CENPK: variants seen among roughly 807,000 people sequenced by gnomAD.
CENPK encodes the protein SoxLZ/Sox6-binding protein Solt.
A neutral mutation model predicts 40.9 loss-of-function variants in CENPK; 46 were observed. The observed-to-expected ratio is 1.13, with a 90% confidence interval of 0.89 to 1.44. The LOEUF is 1.44. Ranked by LOEUF, CENPK falls within the 40% of genes most tolerant of loss-of-function variation. The pLI is 0.00. For synonymous variants in CENPK, 107 were observed against 104.4 expected, an observed-to-expected ratio of 1.02 and a Z score of -0.15; for missense variants, 288 against 303.5, an observed-to-expected ratio of 0.95 and a Z score of 0.38.
intron 6 of CENPK, among the ~76,000 whole-genome samples, chr5:65,539,966 G>A (rs1225463741): frequency 6.6e-6 from 1 of 152,250 alleles, no homozygotes; most frequent in South Asian, 2.1e-4. Flanking sequence ...AGGCAGTATG[G>A]CCCAAGGTCC....
chr5:65,514,228 A>ATATTTTTTTTT (rs199873665), downstream of CENPK, among the ~76,000 whole-genome samples: 1 of 61,646 alleles, frequency 1.6e-5, no homozygotes. Context: ...GCCTCACATA[A>ATATTTTTTTTT]TCTTTTTTTT....
chr5:65,513,337 G>A (rs1742646301), downstream of CENPK, among the ~76,000 whole-genome samples: 1 of 152,148 alleles, frequency 6.6e-6, no homozygotes, highest in South Asian at 2.1e-4. Flanking sequence ...ATATCCACAA[G>A]TACCTTGCTG....
chr5:65,528,595 A>C lies in CENPK; in HGVS notation c.471-17T>G, dbSNP rs745986169. 6.7e-7 allele frequency: 1 copy of C among 1,502,296 alleles called. No individual in the cohort carries two copies. Among genetic ancestry groups the C allele is most frequent in the East Asian group, 2.5e-5 (1 of 40,644 alleles). The allele number at this position is 1,502,296 out of a possible 1,614,324, so 93.1% of individuals were successfully genotyped here. ...TTAAAGATTCTAATAGATTAAAAAA[A>C]TTAAGAGAAACATTTAACTGATAAA... On this transcript the variant is annotated splice_polypyrimidine_tract_variant and intron_variant, in intron 8 of 10. Transcript: ENST00000396679.
intron 2 of CENPK, among the ~76,000 whole-genome samples, chr5:65,556,300 C>G (rs1008768766): frequency 1.3e-5 from 2 of 152,036 alleles, no homozygotes; most frequent in African/African-American, 4.8e-5. Flanking sequence ...AGTAAGACCC[C>G]TATCTCTATA....
intron 6 of CENPK, among the ~76,000 whole-genome samples, chr5:65,532,005 T>C (rs1000045914): frequency 2.6e-5 from 4 of 152,040 alleles, no homozygotes; most frequent in Admixed American, 2.6e-4. Context: ...TCAATAAAAT[T>C]AGATTAATTA....
At chr5:65,514,228 A>ATATTTTTTTTTTTTTTTT (rs199873665), downstream of CENPK, among the ~76,000 whole-genome samples, 3 of 61,648 alleles carry the variant, frequency 4.9e-5, no homozygotes, top group African/African-American at 6.7e-5. Context: ...GCCTCACATA[A>ATATTTTTTTTTTTTTTTT]TCTTTTTTTT....
intron 3 of CENPK, among the ~76,000 whole-genome samples, chr5:65,553,050 T>C (rs1335990989): frequency 6.6e-6 from 1 of 152,114 alleles, no homozygotes; most frequent in African/African-American, 2.4e-5. Flanking sequence ...TCTATACAAA[T>C]TTTAAGTCAT....
intron 2 of CENPK, among the ~76,000 whole-genome samples, chr5:65,556,869 T>C (rs547486291): frequency 6.6e-6 from 1 of 152,340 alleles, no homozygotes; most frequent in East Asian, 1.9e-4. Context: ...AATACAAAAA[T>C]ACCATTCTGT....
chr5:65,546,760 AT>A (rs1434508603), intron 5 of CENPK, among the ~76,000 whole-genome samples: 2 of 152,368 alleles, frequency 1.3e-5, no homozygotes, highest in African/African-American at 4.8e-5. Flanking sequence ...GAAGATGGAC[AT>A]CTGCAAGCCA....
At chr5:65,519,133 T>A (rs1319945538) in intron 10 of CENPK, among the ~76,000 whole-genome samples, 2 of 152,312 alleles carry the variant, frequency 1.3e-5, no homozygotes, top group East Asian at 1.9e-4. Flanking sequence ...TCGTTAAGGA[T>A]ATTGTGGAAT....
the CENPK span, among the ~76,000 whole-genome samples, chr5:65,502,702 T>C: frequency 6.6e-6 from 1 of 152,040 alleles, no homozygotes; most frequent in Admixed American, 6.6e-5. Flanking sequence ...CCTCAAACTA[T>C]TGGGCTCTAA....
intron 3 of CENPK, among the ~76,000 whole-genome samples, chr5:65,553,524 A>T (rs1750484492): frequency 6.6e-6 from 1 of 152,192 alleles, no homozygotes; most frequent in Non-Finnish European, 1.5e-5. Context: ...CAACTTAGAA[A>T]AAGTACATAT....
At chr5:65,530,397 C>T (rs1322866208) in intron 6 of CENPK, among the ~76,000 whole-genome samples, 2 of 152,066 alleles carry the variant, frequency 1.3e-5, no homozygotes, top group African/African-American at 4.8e-5. Context: ...GATCAGGTAA[C>T]ATTTAAATAA....
At position 65,559,863 on chromosome 5, in the gene CENPK, GA is replaced by G. The variant is rs1751665266; in HGVS notation, c.-40+1599del. Among the ~76,000 whole-genome samples the G allele has an allele frequency of 2.0e-5, 3 of 151,518 alleles. No individual in the cohort carries two copies. The East Asian group carries it at 5.8e-4, about 29-fold the overall frequency. On this transcript the variant is annotated intron_variant, in intron 2 of 10. Coordinates refer to ENST00000396679, the MANE Select transcript of CENPK (RefSeq NM_022145.5). ...CAGAGATGACAAGGCAAATCAAGGAGAAAAAAATAATCCAAATAGATATATA... is the reference window on the plus strand; with the variant it reads ...CAGAGATGACAAGGCAAATCAAGGAGAAAAAATAATCCAAATAGATATATA...
intron 6 of CENPK, among the ~76,000 whole-genome samples, chr5:65,542,319 T>A (rs2150449612): frequency 6.6e-6 from 1 of 152,344 alleles, no homozygotes; most frequent in East Asian, 1.9e-4. Flanking sequence ...TCAGTAATAG[T>A]TCTGATGCAA....
At chr5:65,512,030 A>G in the CENPK span, among the ~76,000 whole-genome samples, 1 of 152,182 alleles carries the variant, frequency 6.6e-6, no homozygotes, top group Admixed American at 6.5e-5. Context: ...TTGGTTCTAA[A>G]CTTCATGGAT....
At chr5:65,541,790 T>C (rs1486060448) in intron 6 of CENPK, among the ~76,000 whole-genome samples, 1 of 152,212 alleles carries the variant, frequency 6.6e-6, no homozygotes, top group African/African-American at 2.4e-5. Context: ...GATCACCCAG[T>C]TTCAAAGGTG....
At chr5:65,526,119 C>A (rs1004422757) in intron 9 of CENPK, among the ~76,000 whole-genome samples, 3 of 151,884 alleles carry the variant, frequency 2.0e-5, no homozygotes, top group Non-Finnish European at 4.4e-5. Flanking sequence ...ACTTAATGAC[C>A]CGATAATGGC....
chr5:65,526,586 G>A (rs1744749909), intron 9 of CENPK, among the ~76,000 whole-genome samples: 1 of 152,118 alleles, frequency 6.6e-6, no homozygotes, highest in Non-Finnish European at 1.5e-5. Context: ...TAAACACACC[G>A]AGTAGCTCAC....
Sources: allele counts gnomAD v4.1 joint callset (sites outside exome capture counted in the v4.1 genomes callset), GRCh38; gene constraint gnomAD v4.1.1; transcripts MANE v1.5; gene names NCBI Gene and HGNC (gene_info 2026-07-23, HGNC 2026-07-21).